ERC2: variants seen among roughly 807,000 people sequenced by gnomAD.
ERC2 encodes the protein ELKS/RAB6-interacting/CAST family member 2.
A neutral mutation model predicts 114.8 loss-of-function variants in ERC2; 42 were observed. That is an observed-to-expected ratio of 0.37 (90% CI 0.29 to 0.47). The LOEUF (loss-of-function observed/expected upper bound fraction) is 0.47, where lower values mean the gene tolerates loss of function less well. Among genes scored for constraint, ERC2 ranks in the 20% least tolerant of loss-of-function variants. ERC2 has a pLI of 0.99. For missense variants in ERC2, 939 were observed against 1,150.7 expected, an observed-to-expected ratio of 0.82 and a Z score of 2.66; for synonymous variants, 454 against 425.5, an observed-to-expected ratio of 1.07 and a Z score of -0.82.
chr3:56,089,770 T>C (rs892258364), intron 6 of ERC2, among the ~76,000 whole-genome samples: 23 of 152,184 alleles, frequency 1.5e-4, no homozygotes, highest in South Asian at 8.3e-4. Context: ...CCTTGCATAT[T>C]GATGATTCAG....
At chr3:55,540,532 A>G (rs1397688306) in intron 17 of ERC2, among the ~76,000 whole-genome samples, 1 of 152,232 alleles carries the variant, frequency 6.6e-6, no homozygotes, top group Non-Finnish European at 1.5e-5. Context: ...CCAAGATTTA[A>G]TGAAAGCTCA....
intron 14 of ERC2, among the ~76,000 whole-genome samples, chr3:55,834,304 T>C (rs2060768905): frequency 1.3e-5 from 2 of 152,020 alleles, no homozygotes; most frequent in Non-Finnish European, 2.9e-5. Context: ...CAACAGAATA[T>C]ACATTTTTTT....
chr3:55,749,890 G>T (rs2066569194), intron 14 of ERC2, among the ~76,000 whole-genome samples: 1 of 152,118 alleles, frequency 6.6e-6, no homozygotes, highest in Non-Finnish European at 1.5e-5. Context: ...CTTCATTCTT[G>T]AAGTCGGTGA....
chr3:55,811,276 T>C (rs535032050), intron 14 of ERC2, among the ~76,000 whole-genome samples: 1 of 152,346 alleles, frequency 6.6e-6, no homozygotes, highest in South Asian at 2.1e-4. Context: ...TGCCTTTTCT[T>C]AATTAATCCC....
intron 3 of ERC2, among the ~76,000 whole-genome samples, chr3:56,223,814 C>A (rs1286221221): frequency 2.0e-5 from 3 of 152,172 alleles, no homozygotes; most frequent in Non-Finnish European, 4.4e-5. Flanking sequence ...ATTTTCCTCT[C>A]CACTAAGTAC....
chr3:55,888,432 G>A lies in ERC2; in HGVS notation c.2521C>T (p.Arg841Trp), dbSNP rs773013872. 8 of 1,613,692 alleles carry A rather than the reference G, an allele frequency of 5.0e-6. No homozygotes were observed. In the Admixed American group the frequency reaches 5.0e-5, roughly 10 times the overall value. Residue 841 changes from arginine (R) to tryptophan (W), a missense_variant, in exon 14 of 18, where the codon CGG becomes TGG. This residue lies in a region of ERC2 where 328 missense variants were observed against 353.9 expected (regional missense o/e 0.93). Coordinates refer to ENST00000288221, the MANE Select transcript of ERC2 (RefSeq NM_015576.3). ...TCCAGCTGTTTCCTCCTCTCAATCCGGAGGTTGGCCAAGTGCGCTTCTTTT... is the reference window on the plus strand; with the variant it reads ...TCCAGCTGTTTCCTCCTCTCAATCCAGAGGTTGGCCAAGTGCGCTTCTTTT... Reference protein sequence around the residue: ...AEKEAHLANLRIERRKQLEEI... With the variant: ...AEKEAHLANLWIERRKQLEEI...
At chr3:55,902,851 TC>T (rs34502483) in intron 13 of ERC2, among the ~76,000 whole-genome samples, 1 of 152,176 alleles carries the variant, frequency 6.6e-6, no homozygotes, top group Admixed American at 6.5e-5. Flanking sequence ...CTGTGATTTA[TC>T]CCAAGGGAGC....
chr3:55,547,933 C>T (rs2054872989), intron 17 of ERC2, among the ~76,000 whole-genome samples: 1 of 152,208 alleles, frequency 6.6e-6, no homozygotes, highest in Non-Finnish European at 1.5e-5. Context: ...GGTCCCCATC[C>T]AGACCTCCTT....
At chr3:55,648,015 G>T (rs1007226845) in intron 17 of ERC2, among the ~76,000 whole-genome samples, 1 of 152,198 alleles carries the variant, frequency 6.6e-6, no homozygotes, top group Admixed American at 6.5e-5. Context: ...TAACCCAGCG[G>T]GGGGTGGTGG....
At chr3:56,140,198 A>G (rs139345754) in intron 5 of ERC2, among the ~76,000 whole-genome samples, 1 of 152,334 alleles carries the variant, frequency 6.6e-6, no homozygotes, top group Non-Finnish European at 1.5e-5. Context: ...TACGTGAGGT[A>G]TGAGGAAAAA....
In ERC2 at chr3:55,729,954, T is replaced by C. The variant is rs192930942; in HGVS notation, c.2712+4817A>G. On this transcript the variant is annotated intron_variant, in intron 15 of 17. Coordinates refer to ENST00000288221, the MANE Select transcript of ERC2 (RefSeq NM_015576.3). ...ACTGTAACACAGAGCAGGCAGTCAATGAATACTCGTTAAGTTGAATTCCAA... is the reference window on the plus strand; with the variant it reads ...ACTGTAACACAGAGCAGGCAGTCAACGAATACTCGTTAAGTTGAATTCCAA... Among the ~76,000 whole-genome samples, 178 of 150,090 alleles carry C rather than the reference T, an allele frequency of 1.2e-3. 1 individual carries two copies. The highest frequency in any genetic ancestry group is 4.3e-3 in the African/African-American group (176 of 40,782).
intron 14 of ERC2, among the ~76,000 whole-genome samples, chr3:55,787,701 A>G (rs1575599592): frequency 6.6e-6 from 1 of 152,216 alleles, no homozygotes; most frequent in Non-Finnish European, 1.5e-5. Flanking sequence ...GACCCAAAAC[A>G]GATCCCTATT....
At chr3:55,858,780 G>A (rs188427628) in intron 14 of ERC2, among the ~76,000 whole-genome samples, 3 of 152,262 alleles carry the variant, frequency 2.0e-5, no homozygotes, top group Admixed American at 2.0e-4. Context: ...GGCAGGGTCC[G>A]GGCCAGCCTC....
At chr3:55,619,163 T>C (rs1575794128) in intron 17 of ERC2, among the ~76,000 whole-genome samples, 1 of 152,350 alleles carries the variant, frequency 6.6e-6, no homozygotes, top group African/African-American at 2.4e-5. Context: ...AGTACGGCAC[T>C]TGCCAACTGA....
At position 56,257,794 on chromosome 3, in the gene ERC2, G is replaced by A. The variant is rs76017239; in HGVS notation, c.1074+38225C>T. On this transcript the variant is annotated intron_variant, in intron 3 of 17. Transcript: ENST00000288221. ...AAAGGGGAAATGGACTGCCAGAGATGTAAAAGCAATTCCCAGCATGTTAGT... is the reference window on the plus strand; with the variant it reads ...AAAGGGGAAATGGACTGCCAGAGATATAAAAGCAATTCCCAGCATGTTAGT... Among the ~76,000 whole-genome samples, 819 of 152,326 alleles carry A rather than the reference G, an allele frequency of 5.4e-3. 4 individuals carry two copies. Among genetic ancestry groups the A allele is most frequent in the Non-Finnish European group, 7.1e-3 (482 of 68,020 alleles).
At chr3:56,055,619 C>T (rs759166419) in intron 7 of ERC2, among the ~76,000 whole-genome samples, 11 of 152,234 alleles carry the variant, frequency 7.2e-5, no homozygotes, top group Non-Finnish European at 1.3e-4. Flanking sequence ...TAGAATGTCC[C>T]GTATAACAGG....
chr3:56,010,282 CAAA>C (rs111539238), intron 9 of ERC2, among the ~76,000 whole-genome samples, 164 bp downstream of exon 9: 10 of 146,744 alleles, frequency 6.8e-5, no homozygotes, highest in African/African-American at 2.5e-4. Context: ...AAGGAAGTTA[CAAA>C]AAAAAAAATT....
chr3:56,129,804 G>C (rs1000262055), intron 6 of ERC2, among the ~76,000 whole-genome samples: 1 of 152,070 alleles, frequency 6.6e-6, no homozygotes, highest in Non-Finnish European at 1.5e-5. Context: ...GCTCTGACTC[G>C]ATACCTCTAC....
chr3:56,383,892 G>C (rs114275202), intron 2 of ERC2, among the ~76,000 whole-genome samples: 2,957 of 152,092 alleles, frequency 0.019, 40 homozygotes, highest in Non-Finnish European at 0.03. Flanking sequence ...CCACCATTCT[G>C]CTTTGTGTCT....
Sources: allele counts gnomAD v4.1 joint callset (sites outside exome capture counted in the v4.1 genomes callset), GRCh38; gene constraint gnomAD v4.1.1; regional missense constraint gnomAD v4.1.1; transcripts MANE v1.5; gene names NCBI Gene and HGNC (gene_info 2026-07-23, HGNC 2026-07-21).